Variants in TCF4 observed in about 807,000 individuals in gnomAD.
TCF4 encodes the protein SL3-3 enhancer factor 2.
Under a neutral mutation model 82.1 loss-of-function variants are expected in TCF4, and 3 were observed. The observed-to-expected ratio is 0.04, with a 90% CI of 0.02 to 0.09. The LOEUF is 0.09. TCF4 is among the 10% of genes least tolerant of loss of function. The pLI, the probability that TCF4 is intolerant of heterozygous loss-of-function variation, is 1.00. For missense variants in TCF4, 518 were observed against 852.7 expected (o/e 0.61, Z 4.89); for synonymous variants, 276 against 309.6 (o/e 0.89, Z 1.14).
intron 2 of TCF4, among the ~76,000 whole-genome samples, chr18:55,614,710 T>C (rs1160455170): frequency 1.3e-5 from 2 of 152,218 alleles, no homozygotes; most frequent in African/African-American, 2.4e-5. Context: ...CTGTGACTTA[T>C]CTTTTTATTC....
chr18:55,350,721 C>T (rs528371732), intron 7 of TCF4, among the ~76,000 whole-genome samples, 153 bp downstream of exon 7: 55 of 150,316 alleles, frequency 3.7e-4, no homozygotes, highest in African/African-American at 1.3e-3. Flanking sequence ...ACTCAGTGTA[C>T]TAGGGGGGAA....
At chr18:55,451,718 A>T (rs377334964) in intron 5 of TCF4, among the ~76,000 whole-genome samples, 1 of 152,214 alleles carries the variant, frequency 6.6e-6, no homozygotes, top group African/African-American at 2.4e-5. Flanking sequence ...TGAGAAACAC[A>T]AAGTGTTTAA....
At chr18:55,321,036 T>C (rs1390760023) in intron 8 of TCF4, among the ~76,000 whole-genome samples, 1 of 152,194 alleles carries the variant, frequency 6.6e-6, no homozygotes, top group Non-Finnish European at 1.5e-5. Flanking sequence ...ATGACAATAC[T>C]GTTATATGCA....
At chr18:55,634,857 C>T (rs17089907) in intron 1 of TCF4, among the ~76,000 whole-genome samples, 4,841 of 152,198 alleles carry the variant, frequency 0.032, 250 homozygotes, top group African/African-American at 0.11. Flanking sequence ...TGGAAATAGA[C>T]TGTTGAAGGA....
At chr18:55,466,346 A>C (rs1356976054) in intron 3 of TCF4, among the ~76,000 whole-genome samples, 1 of 152,140 alleles carries the variant, frequency 6.6e-6, no homozygotes, top group African/African-American at 2.4e-5. Flanking sequence ...AATTTTTAAA[A>C]TTAGCCAAGT....
chr18:55,303,966 C>T (rs56057182), intron 8 of TCF4, among the ~76,000 whole-genome samples: 5,445 of 152,230 alleles, frequency 0.036, 309 homozygotes, highest in African/African-American at 0.12. Flanking sequence ...AAGAAAGAAT[C>T]TCATTTTCCT....
At chr18:55,518,969 A>T in intron 3 of TCF4, 1 of 152,182 alleles carries the variant, frequency 6.6e-6, no homozygotes, top group East Asian at 1.9e-4. Context: ...AAGAACATTC[A>T]ACCCAAACTC....
intron 2 of TCF4, among the ~76,000 whole-genome samples, chr18:55,623,407 T>C (rs2097723471): frequency 6.6e-6 from 1 of 152,200 alleles, no homozygotes; most frequent in Non-Finnish European, 1.5e-5. Flanking sequence ...AGAAAATGTA[T>C]CTAGAATTAG....
intron 6 of TCF4, among the ~76,000 whole-genome samples, chr18:55,365,973 TATAGATATAGATATAGATATAG>T (rs780342991): frequency 0.24 from 3,363 of 14,252 alleles, 65 homozygotes; most frequent in Admixed American, 0.31. Flanking sequence ...TGTTTATAGA[TATAGATATAGATATAGATATAG>T]ATATAGATAT....
chr18:55,625,962 A>G (rs536488942), intron 2 of TCF4, among the ~76,000 whole-genome samples: 3 of 152,348 alleles, frequency 2.0e-5, no homozygotes, highest in African/African-American at 7.2e-5. Context: ...TTTATGACAG[A>G]GAATAGTATT....
At chr18:55,406,244 T>C (rs1603449239) in intron 5 of TCF4, among the ~76,000 whole-genome samples, 1 of 151,886 alleles carries the variant, frequency 6.6e-6, no homozygotes, top group East Asian at 1.9e-4. Context: ...CATTTCATTC[T>C]GATAGTGTAA....
chr18:55,302,289 G>T, intron 8 of TCF4: 1 of 813,582 alleles, frequency 1.2e-6, no homozygotes, highest in Non-Finnish European at 1.9e-6. Context: ...TCTGGTGAAT[G>T]CCAGGGAAGA....
chr18:55,554,573 T>C (rs1235134728), intron 3 of TCF4, among the ~76,000 whole-genome samples: 1 of 152,200 alleles, frequency 6.6e-6, no homozygotes, highest in Admixed American at 6.5e-5. Flanking sequence ...AATCAAATTA[T>C]TTCTGAGGAT....
intron 5 of TCF4, among the ~76,000 whole-genome samples, chr18:55,433,256 T>C (rs1191092950): frequency 1.3e-5 from 2 of 152,220 alleles, no homozygotes; most frequent in Non-Finnish European, 2.9e-5. Flanking sequence ...TTAACCTTTC[T>C]GTCCCTCCTA....
chr18:55,507,942 G>A (rs1032847165), intron 3 of TCF4, among the ~76,000 whole-genome samples: 5 of 152,092 alleles, frequency 3.3e-5, no homozygotes, highest in Non-Finnish European at 5.9e-5. Flanking sequence ...CCATGTAACC[G>A]GGAAATGACT....
rs767499341 is a variant in TCF4 at position 55,350,986 on chromosome 18, A to G, written c.387T>C (p.Gly129=). 1.8e-5 allele frequency: 29 copies of G among 1,613,288 alleles called. 1 individual carries two copies. In the South Asian group the frequency reaches 3.1e-4, roughly 17 times the overall value. The part of the protein sequence containing the change: ...QGCHQQSLLG[G]DMDMGNPGTL... ...TTCCTGGGTTGCCCATATCCATGTC[A>G]CCTCCAAGGAGACTCTGCTAAAAGG... The change falls in exon 7 of 20, where the codon GGT becomes GGC. Residue 129 remains glycine (G), a synonymous_variant. Coordinates refer to ENST00000354452, the MANE Select transcript of TCF4 (RefSeq NM_001083962.2).
intron 8 of TCF4, among the ~76,000 whole-genome samples, chr18:55,335,011 G>A (rs2078340005): frequency 6.6e-6 from 1 of 152,186 alleles, no homozygotes; most frequent in Admixed American, 6.5e-5. Context: ...TTAGAAGTCA[G>A]CTGAGGACCA....
chr18:55,512,082 AC>A (rs1358828468), intron 3 of TCF4, among the ~76,000 whole-genome samples: 2 of 152,158 alleles, frequency 1.3e-5, no homozygotes, highest in African/African-American at 4.8e-5. Context: ...TACTATGTCG[AC>A]TACCACGTTA....
intron 3 of TCF4, among the ~76,000 whole-genome samples, chr18:55,530,517 T>C (rs1237846539): frequency 1.8e-5 from 2 of 111,758 alleles, no homozygotes; most frequent in Non-Finnish European, 3.3e-5. Flanking sequence ...GGTAAAGGAA[T>C]AGCATTATGC....
Sources: gnomAD v4.1 joint callset for allele counts (sites outside exome capture counted in the v4.1 genomes callset) on GRCh38, gnomAD v4.1.1 for gene constraint, MANE v1.5 for transcripts, NCBI Gene and HGNC (gene_info 2026-07-23, HGNC 2026-07-21) for gene names.